PPEF1: variants seen among roughly 807,000 people sequenced by gnomAD.
PPEF1 encodes serine/threonine-protein phosphatase with EF-hands 1.
PPEF1 carries 12 observed loss-of-function variants against 53.3 expected under a neutral mutation model. The ratio of observed to expected loss-of-function variants is 0.23; its 90% CI spans 0.14 to 0.36. The LOEUF is 0.36. PPEF1 is among the 10% of genes least tolerant of loss of function. The pLI is 1.00. For synonymous variants in PPEF1, 165 were observed against 176.7 expected, an observed-to-expected ratio of 0.93 and a Z score of 0.52; for missense variants, 334 against 490.4, an observed-to-expected ratio of 0.68 and a Z score of 3.01.
upstream of PPEF1, among the ~76,000 whole-genome samples, chrX:18,681,184 G>A (rs773906141): frequency 5.4e-5 from 6 of 111,828 alleles, no homozygotes; most frequent in East Asian, 1.1e-3. Context: ...TCACCATGTT[G>A]GCCAGGATGG....
At chrX:18,809,493 C>T (rs918043454) in intron 12 of PPEF1, among the ~76,000 whole-genome samples, 5 of 110,301 alleles carry the variant, frequency 4.5e-5, no homozygotes, top group African/African-American at 6.6e-5. Context: ...ATCATTTGAG[C>T]CCAGGAGTTC....
At chrX:18,740,964 C>A (rs2045145332) in intron 3 of PPEF1, among the ~76,000 whole-genome samples, 1 of 91,102 alleles carries the variant, frequency 1.1e-5, no homozygotes. Flanking sequence ...TGTATGGCAT[C>A]TAGGAGCATC....
chrX:18,811,416 GTTGTATT>G (rs1407555181), intron 12 of PPEF1, among the ~76,000 whole-genome samples: 3 of 109,628 alleles, frequency 2.7e-5, no homozygotes, highest in Non-Finnish European at 5.7e-5. Context: ...GTAGTGTTGC[GTTGTATT>G]TCCCTAATGA....
At chrX:18,725,602 T>G in intron 1 of PPEF1, among the ~76,000 whole-genome samples, 1 of 111,711 alleles carries the variant, frequency 9.0e-6, no homozygotes, top group African/African-American at 3.3e-5. Context: ...AGGGGGCAAC[T>G]GACAAAGCTG....
At chrX:18,744,178 A>T (rs2045270560) in intron 3 of PPEF1, among the ~76,000 whole-genome samples, 1 of 112,240 alleles carries the variant, frequency 8.9e-6, no homozygotes, top group African/African-American at 3.2e-5. Context: ...GGCGTGAGCC[A>T]TTGCGCCCGG....
upstream of PPEF1, among the ~76,000 whole-genome samples, chrX:18,675,160 C>T (rs949369052): frequency 8.8e-6 from 1 of 113,212 alleles, no homozygotes; most frequent in African/African-American, 3.2e-5. Context: ...ACAGTCGCGG[C>T]CCCTGGGACC....
Position 18,808,287 on chromosome X carries a change from G to A in PPEF1, c.1394+1742G>A, listed in dbSNP as rs191215420. On this transcript the variant is annotated intron_variant, in intron 12 of 15. Transcript: ENST00000470157. ...GCCGTACGTATATTTTTTAAAGAAA[G>A]AATCACACTGCATACTGTATTCTGC... is the stretch of plus-strand genomic sequence containing the variant. Among the ~76,000 whole-genome samples, 31 of 110,564 alleles carry A rather than the reference G, an allele frequency of 2.8e-4. 2 individuals are homozygous for A. In the Admixed American group the frequency reaches 2.9e-3, roughly 10 times the overall value.
At chrX:18,709,502 G>GTTTTTTTTTTTTTTT (rs752416903) in intron 1 of PPEF1, among the ~76,000 whole-genome samples, 1 of 101,093 alleles carries the variant, frequency 9.9e-6, no homozygotes. Context: ...TTTGTTTTTT[G>GTTTTTTTTTTTTTTT]TTTTTTGTTT....
At chrX:18,751,791 CAAAT>C (rs2045450154) in intron 4 of PPEF1, among the ~76,000 whole-genome samples, 2 of 112,140 alleles carry the variant, frequency 1.8e-5, no homozygotes, top group East Asian at 5.6e-4. Flanking sequence ...AAAAAACAAA[CAAAT>C]AAAAATCTAT....
At chrX:18,796,377 C>T (rs967746267) in intron 10 of PPEF1, among the ~76,000 whole-genome samples, 3 of 112,585 alleles carry the variant, frequency 2.7e-5, no homozygotes. Context: ...TGGATATGGA[C>T]TAACGCTTAA....
Position 18,827,758 on chromosome X carries a change from G to A in PPEF1, c.*271G>A, listed in dbSNP as rs766725569. The stretch of plus-strand genomic sequence containing the variant: ...CTGGGTTGGACCTAGTGGTGTTGTC[G>A]TGAGTGCCACCTAACCAGGAGGCCA... On this transcript the variant is annotated 3_prime_UTR_variant, in exon 16 of 16. Coordinates refer to ENST00000470157, the MANE Select transcript of PPEF1 (RefSeq NM_001377996.1). 124 of 291,739 alleles carry A rather than the reference G, an allele frequency of 4.3e-4. 1 individual carries two copies. The highest frequency in any genetic ancestry group is 6.7e-4 in the Non-Finnish European group (111 of 166,775). The allele number at this position is 291,739 out of a possible 1,213,427, so 24.0% of individuals were successfully genotyped here. A position where few individuals can be genotyped will look rare whatever the true frequency, so the allele number is the denominator to read the frequency against.
chrX:18,768,496 A>G (rs985578780), intron 6 of PPEF1, among the ~76,000 whole-genome samples: 13 of 112,270 alleles, frequency 1.2e-4, no homozygotes, highest in Non-Finnish European at 2.1e-4. Context: ...AGGCCTCACC[A>G]TATTACTCTT....
At chrX:18,765,575 C>A (rs1275633470) in intron 6 of PPEF1, among the ~76,000 whole-genome samples, 2 of 110,318 alleles carry the variant, frequency 1.8e-5, no homozygotes, top group Non-Finnish European at 3.8e-5. Context: ...ATATATTATA[C>A]CTTGAATGTA....
intron 9 of PPEF1, among the ~76,000 whole-genome samples, chrX:18,786,848 T>A (rs1000269440): frequency 2.8e-5 from 3 of 108,802 alleles, no homozygotes; most frequent in African/African-American, 6.7e-5. Flanking sequence ...AGCTTTCTCC[T>A]CCAGTTCTCT....
upstream of PPEF1, among the ~76,000 whole-genome samples, chrX:18,682,571 T>TAA (rs781448068): frequency 2.7e-5 from 3 of 111,254 alleles, no homozygotes; most frequent in East Asian, 8.5e-4. Context: ...TGCCATGACT[T>TAA]ACGCCCCGGC....
intron 10 of PPEF1, among the ~76,000 whole-genome samples, chrX:18,793,864 C>T (rs1339335532): frequency 9.0e-6 from 1 of 110,965 alleles, no homozygotes; most frequent in East Asian, 2.8e-4. Context: ...AAGTCTATTC[C>T]CCTTCAGTGT....
intron 1 of PPEF1, among the ~76,000 whole-genome samples, chrX:18,677,189 C>T (rs943648995): frequency 9.1e-6 from 1 of 110,225 alleles, no homozygotes; most frequent in Non-Finnish European, 1.9e-5. Flanking sequence ...GGCGCCCCCC[C>T]ACCATACCTG....
At chrX:18,755,113 T>C (rs901847158) in intron 4 of PPEF1, among the ~76,000 whole-genome samples, 2 of 111,068 alleles carry the variant, frequency 1.8e-5, no homozygotes, top group African/African-American at 3.3e-5. Context: ...ATAGAGAAGA[T>C]TGATAATTCT....
intron 5 of PPEF1, among the ~76,000 whole-genome samples, chrX:18,698,260 C>T (rs1429076975): frequency 8.9e-6 from 1 of 112,264 alleles, no homozygotes; most frequent in Non-Finnish European, 1.9e-5. Context: ...CTCACAGTAA[C>T]ATTTCAGTGT....
Sources: allele counts gnomAD v4.1 joint callset (sites outside exome capture counted in the v4.1 genomes callset), GRCh38; gene constraint gnomAD v4.1.1; transcripts MANE v1.5; gene names NCBI Gene and HGNC (gene_info 2026-07-23, HGNC 2026-07-21).